Variants in EXOC1 observed in about 807,000 individuals in gnomAD.
The protein encoded by EXOC1 is SEC3-like 1.
A neutral mutation model predicts 107.7 loss-of-function variants in EXOC1; 67 were observed. The observed-to-expected ratio is 0.62, with a 90% CI of 0.51 to 0.76. EXOC1 has a LOEUF of 0.76. Among genes scored for constraint, EXOC1 ranks in the 30% least tolerant of loss-of-function variants. The pLI, the probability that EXOC1 is intolerant of heterozygous loss-of-function variation, is 0.00. For missense variants in EXOC1, 833 were observed against 1,055.7 expected (o/e 0.79, Z 2.92); for synonymous variants, 348 against 353.5 (o/e 0.98, Z 0.17).
At chr4:55,899,581 A>T in intron 16 of EXOC1, 104 bp from the exon 17 acceptor site, 1 of 1,006,382 alleles carries the variant, frequency 9.9e-7, no homozygotes, top group Non-Finnish European at 1.4e-6. Context: ...AAATGTGCTT[A>T]ATTCTTAAAC....
At chr4:55,868,101 A>C (rs1296092287) in intron 4 of EXOC1, among the ~76,000 whole-genome samples, 1 of 152,168 alleles carries the variant, frequency 6.6e-6, no homozygotes, top group African/African-American at 2.4e-5. Flanking sequence ...TAACATTTGT[A>C]AGTTAGTGCA....
rs1227181405 is a variant in EXOC1, at chr4:55,899,995, A to G, written c.2337+111A>G. ...TAAATTTTCTCATGTGTTGGTGCAC[A>G]GGGGACTCAGTTATTGAAGCTGCCA... On this transcript the variant is annotated intron_variant, in intron 17 of 18. Transcript: ENST00000381295. The G allele has an allele frequency of 4.7e-6, 4 of 844,224 alleles. No homozygotes were observed. The African/African-American group carries it at 5.1e-5, about 11-fold the overall frequency. 52.3% of individuals were successfully genotyped at this position (844,224 alleles called of 1,614,324 possible).
At chr4:55,890,531 G>GAA (rs34003680) in intron 12 of EXOC1, 145 bp downstream of exon 12, 4,687 of 297,554 alleles carry the variant, frequency 0.016, no homozygotes, top group Non-Finnish European at 0.02. Context: ...TCGAATCTGG[G>GAA]AAAAAAAAAA....
At chr4:55,901,855 A>G (rs1272630872) in intron 17 of EXOC1, among the ~76,000 whole-genome samples, 1 of 152,142 alleles carries the variant, frequency 6.6e-6, no homozygotes, top group African/African-American at 2.4e-5. Flanking sequence ...CAACAGAGTA[A>G]TTATAGTCCT....
chr4:55,881,906 C>T (rs758699171), intron 9 of EXOC1, among the ~76,000 whole-genome samples: 23 of 151,990 alleles, frequency 1.5e-4, no homozygotes, highest in Admixed American at 2.0e-4. Flanking sequence ...GACCCTACAG[C>T]GGACCCAGGT....
chr4:55,876,459 C>G, intron 8 of EXOC1: 1 of 637,780 alleles, frequency 1.6e-6, no homozygotes, highest in Non-Finnish European at 1.9e-6. Context: ...AATAGTCACT[C>G]TAAGCACTAT....
rs1433447544 is a variant in EXOC1, at chr4:55,892,687, G to A, written c.1700G>A (p.Gly567Asp). ...GGTLSRQHNC[G>D]TPLPVSSEKD... ...ACATTATCACGGCAACATAATTGTG[G>A]CACACCACTGCCTGTTTCATCTGAG... The change falls in exon 14 of 19, where the codon GGC (glycine) becomes GAC (aspartate). Residue 567 changes from glycine (G) to aspartate (D), a missense_variant. By Grantham distance (94) the Gly-to-Asp change is moderately conservative. This residue lies in a region of EXOC1 where 617 missense variants were observed against 701.3 expected (regional missense o/e 0.88). Transcript: ENST00000381295. 4.3e-6 allele frequency: 7 copies of A among 1,613,932 alleles called. No homozygotes were observed. The Admixed American group carries it at 1.2e-4, about 27-fold the overall frequency.
intron 17 of EXOC1, among the ~76,000 whole-genome samples, chr4:55,901,861 G>C (rs1196949654): frequency 6.6e-6 from 1 of 151,912 alleles, no homozygotes; most frequent in Non-Finnish European, 1.5e-5. Flanking sequence ...AGTAATTATA[G>C]TCCTGGAAAT....
chr4:55,876,521 T>C, intron 8 of EXOC1: 3 of 897,544 alleles, frequency 3.3e-6, no homozygotes, highest in Non-Finnish European at 4.0e-6. Flanking sequence ...ATTGTTTTGG[T>C]GCCAAGCTTA....
chr4:55,854,328 GCTAT>G (rs570293277), intron 1 of EXOC1, among the ~76,000 whole-genome samples: 101 of 152,250 alleles, frequency 6.6e-4, no homozygotes, highest in Middle Eastern at 3.4e-3. Flanking sequence ...ACACTGACAG[GCTAT>G]TTGTCACACA....
In EXOC1 at chr4:55,891,418, C is replaced by T; in HGVS notation, c.1643C>T (p.Thr548Ile). The stretch of plus-strand genomic sequence containing the variant: ...CAGCAACATCAAAGTATGCCTGGAA[C>T]TATGGTATGGCTCACAGTGTATTTT... ...KLQQHQSMPGTMAEAEDLDGG... is the reference protein window; with the variant it reads ...KLQQHQSMPGIMAEAEDLDGG... Residue 548 changes from threonine (T) to isoleucine (I), a missense_variant, in exon 13 of 19, where the codon ACT becomes ATT. Transcript: ENST00000381295. The T allele has an allele frequency of 6.3e-7, 1 of 1,594,134 alleles. No homozygotes were observed.
intron 9 of EXOC1, among the ~76,000 whole-genome samples, chr4:55,882,013 GA>G (rs918374854): frequency 2.0e-5 from 3 of 150,334 alleles, no homozygotes; most frequent in Admixed American, 1.3e-4. Context: ...TGAGTGGAAG[GA>G]AAAAAAAATC....
intron 15 of EXOC1, among the ~76,000 whole-genome samples, chr4:55,894,569 T>C (rs1216255982): frequency 3.3e-5 from 5 of 151,252 alleles, no homozygotes; most frequent in Admixed American, 3.3e-4. Context: ...ATTATCATTT[T>C]CCTCCTAATA....
chr4:55,863,340 C>T lies in EXOC1; in HGVS notation c.256-887C>T, dbSNP rs563536487. On this transcript the variant is annotated intron_variant, in intron 3 of 18. Transcript: ENST00000381295. The stretch of plus-strand genomic sequence containing the variant: ...TCTCAGATTGGTTGAGCTTCTTTAT[C>T]ACATGAAAGAACGTTAGGCCAGGAA... 2.0e-5 allele frequency among the ~76,000 whole-genome samples: 3 copies of T among 152,214 alleles called. No homozygotes were observed. In the South Asian group the frequency reaches 6.2e-4, roughly 32 times the overall value.
rs1722016585 is a variant in EXOC1 at position 55,866,965 on chromosome 4, T to A, written c.416-1371T>A. On this transcript the variant is annotated intron_variant, in intron 4 of 18. Coordinates refer to ENST00000381295, the MANE Select transcript of EXOC1 (RefSeq NM_001024924.2). ...CCTTTGTTATATACCGTTGGTTGTA[T>A]GTTTTATGAAATGATGTACTGGGAC... 2.9e-5 allele frequency: 25 copies of A among 871,780 alleles called. No homozygotes were observed. In the South Asian group the frequency reaches 1.3e-3, roughly 46 times the overall value. The allele number at this position is 871,780 out of a possible 1,614,324, so 54.0% of individuals were successfully genotyped here.
At position 55,902,468 on chromosome 4, in the gene EXOC1, T is replaced by A; in HGVS notation, c.2462T>A (p.Val821Glu). ...ATTAAGGAGTACCCTGGAAAGGAAG[T>A]AAAAAAAGGTCTAGATAACCTCTAC... ...KVIKEYPGKE[V>E]KKGLDNLYKK... Residue 821 changes from valine to glutamate, a missense_variant, in exon 18 of 19, where the codon GTA becomes GAA. Val to Glu is a moderately radical substitution (Grantham distance 121). This residue lies in a region of EXOC1 where 216 missense variants were observed against 354.4 expected (regional missense o/e 0.61). Transcript: ENST00000381295. 6.3e-7 allele frequency: 1 copy of A among 1,576,672 alleles called. No individual in the cohort carries two copies. The highest frequency in any genetic ancestry group is 1.4e-5 in the African/African-American group (1 of 72,514).
chr4:55,881,653 GC>G (rs1243176566), intron 9 of EXOC1, among the ~76,000 whole-genome samples: 2 of 152,134 alleles, frequency 1.3e-5, no homozygotes, highest in Admixed American at 1.3e-4. Context: ...TGGGGAGGGG[GC>G]TTCCAGATCA....
intron 3 of EXOC1, 127 bp from the exon 4 acceptor site, chr4:55,864,100 C>T: frequency 1.6e-6 from 1 of 616,944 alleles, no homozygotes; most frequent in South Asian, 2.7e-5. Flanking sequence ...TCTTCCTTTC[C>T]AGTTGCTTAG....
Position 55,899,690 on chromosome 4 carries a change from A to G in EXOC1, c.2143A>G (p.Lys715Glu), listed in dbSNP as rs1294029996. ...TTTTTCTGTTTTGGTTTTAGTGGAG[A>G]AAGTAGCAAATGAAAGCCAGAAGAC... ...LIRGVFVNVE[K>E]VANESQKTPR... The change falls in exon 17 of 19, where the codon AAA (lysine) becomes GAA (glutamate). Residue 715 changes from lysine to glutamate, a missense_variant. Physicochemically the swap from Lys to Glu is moderately conservative, Grantham distance 56. This residue lies in a region of EXOC1 where 216 missense variants were observed against 354.4 expected (regional missense o/e 0.61). Transcript: ENST00000381295. The G allele has an allele frequency of 1.9e-6, 3 of 1,609,392 alleles. No individual in the cohort carries two copies. The highest frequency in any genetic ancestry group is 1.7e-4 in the Middle Eastern group (1 of 6,000).
Sources: gnomAD v4.1 joint callset for allele counts (sites outside exome capture counted in the v4.1 genomes callset) on GRCh38, gnomAD v4.1.1 for gene constraint, gnomAD v4.1.1 regional missense constraint, MANE v1.5 for transcripts, NCBI Gene and HGNC (gene_info 2026-07-23, HGNC 2026-07-21) for gene names.